The following CHRDL1 variants were observed in gnomAD, a reference collection of about 807,000 sequenced individuals.
The protein encoded by CHRDL1 is chordin like 1.
In CHRDL1, 19 loss-of-function variants were observed where a neutral mutation model predicts 40.9. That is an observed-to-expected ratio of 0.46 (90% CI 0.32 to 0.68). The LOEUF (loss-of-function observed/expected upper bound fraction) is 0.68, where lower values mean the gene tolerates loss of function less well. CHRDL1 is among the 30% of genes least tolerant of loss of function. CHRDL1 has a pLI of 0.03. For missense variants in CHRDL1, 329 were observed against 352.1 expected, an observed-to-expected ratio of 0.93 and a Z score of 0.53; for synonymous variants, 136 against 123.4, an observed-to-expected ratio of 1.10 and a Z score of -0.68.
chrX:110,734,122 G>C (rs1381831922), intron 4 of CHRDL1, among the ~76,000 whole-genome samples: 2 of 111,079 alleles, frequency 1.8e-5, no homozygotes, highest in Non-Finnish European at 3.8e-5. Context: ...ATTTTCAAAA[G>C]TGATTCAGAA....
At chrX:110,713,285 G>A (rs1296491755) in intron 6 of CHRDL1, among the ~76,000 whole-genome samples, 2 of 112,002 alleles carry the variant, frequency 1.8e-5, no homozygotes, top group Non-Finnish European at 3.8e-5. Context: ...ATGAAGGCAG[G>A]TTCCATGTCC....
intron 2 of CHRDL1, among the ~76,000 whole-genome samples, chrX:110,786,716 T>A (rs1297795523): frequency 8.9e-6 from 1 of 112,389 alleles, no homozygotes; most frequent in Non-Finnish European, 1.9e-5. Context: ...ATAAGAAGCA[T>A]AGACATAGAC....
chrX:110,718,149 G>C (rs1043076698), intron 6 of CHRDL1, among the ~76,000 whole-genome samples: 1 of 111,826 alleles, frequency 8.9e-6, no homozygotes, highest in South Asian at 3.7e-4. Context: ...GGTTGAATAA[G>C]GTCATTCAAC....
Position 110,696,709 on chromosome X carries a change from G to A in CHRDL1, c.610-2378C>T, listed in dbSNP as rs765988203. ...CTTTGGCTATACACTAAAATCACCC[G>A]GTGAGCTGTAAAAAATACTCATACC... On this transcript the variant is annotated intron_variant, in intron 7 of 11. Transcript: ENST00000372042. Among the ~76,000 whole-genome samples, 5 of 111,177 alleles carry A rather than the reference G, an allele frequency of 4.5e-5. No individual in the cohort carries two copies. In the East Asian group the frequency reaches 1.1e-3, roughly 25 times the overall value.
intron 6 of CHRDL1, among the ~76,000 whole-genome samples, chrX:110,716,979 G>A (rs2070854249): frequency 9.0e-6 from 1 of 111,436 alleles, no homozygotes; most frequent in South Asian, 3.8e-4. Flanking sequence ...AACCAATCAG[G>A]AACTGAAATT....
intron 9 of CHRDL1, among the ~76,000 whole-genome samples, chrX:110,686,769 C>CG (rs1463741753): frequency 9.3e-6 from 1 of 108,035 alleles, no homozygotes; most frequent in Non-Finnish European, 1.9e-5. Flanking sequence ...CCCAGCTACT[C>CG]GGGAGGCTGA....
intron 4 of CHRDL1, among the ~76,000 whole-genome samples, chrX:110,739,335 A>G (rs965408047): frequency 8.9e-6 from 1 of 112,083 alleles, no homozygotes; most frequent in Admixed American, 9.4e-5. Context: ...GCACCCAGCT[A>G]CACTACATTC....
intron 8 of CHRDL1, among the ~76,000 whole-genome samples, chrX:110,690,053 A>T (rs181754011): frequency 0.043 from 1,602 of 36,870 alleles, 494 homozygotes; most frequent in African/African-American, 0.2. Flanking sequence ...ATATATATAT[A>T]TTTTTTTTTT....
chrX:110,730,609 G>A (rs1208089223), intron 4 of CHRDL1, among the ~76,000 whole-genome samples: 1 of 110,587 alleles, frequency 9.0e-6, no homozygotes. Context: ...TAGAGTTGGG[G>A]TCTCACTCTG....
rs2069772483 is a variant in CHRDL1, at chrX:110,676,155, T to G, written c.*76A>C. ...TTTGGAGTTTTAGGGCACTGTTGAC[T>G]TAAGCAAAATAAGCCTGCAGTCCAG... On this transcript the variant is annotated 3_prime_UTR_variant, in exon 12 of 12. Transcript: ENST00000372042. The G allele has an allele frequency of 1.9e-5, 20 of 1,066,517 alleles. No homozygotes were observed. Among genetic ancestry groups the G allele is most frequent in the Non-Finnish European group, 2.5e-5 (20 of 788,360 alleles). The allele number at this position is 1,066,517 out of a possible 1,213,427, so 87.9% of individuals were successfully genotyped here. A position where few individuals can be genotyped will look rare whatever the true frequency, so the allele number is the denominator to read the frequency against.
rs544555631 is a variant in CHRDL1 at position 110,751,229 on chromosome X, T to C, written c.301+8432A>G. 1.8e-4 allele frequency among the ~76,000 whole-genome samples: 20 copies of C among 111,730 alleles called. No individual in the cohort carries two copies. The South Asian group carries it at 7.2e-3, about 40-fold the overall frequency. The stretch of plus-strand genomic sequence containing the variant: ...AAATTTGAGTAGTACTAGTTTAGGG[T>C]CTTGTGCTAAAATTGCCTACTACCC... On this transcript the variant is annotated intron_variant, in intron 4 of 11. Transcript: ENST00000372042.
In CHRDL1 at chrX:110,688,576, G is replaced by A. The variant is rs748432351; in HGVS notation, c.988+18C>T. The A allele has an allele frequency of 1.2e-5, 14 of 1,162,491 alleles. No homozygotes were observed. Among genetic ancestry groups the A allele is most frequent in the Non-Finnish European group, 1.6e-5 (14 of 851,598 alleles). ...GAGAATCTCAGTCAACCAAAAGCAG[G>A]GCCTCCAACCAACGCACCTTTTGCT... On this transcript the variant is annotated intron_variant, in intron 9 of 11. Coordinates refer to ENST00000372042, the MANE Select transcript of CHRDL1 (RefSeq NM_001143981.2).
intron 8 of CHRDL1, among the ~76,000 whole-genome samples, chrX:110,693,407 A>G (rs1038748523): frequency 1.8e-5 from 2 of 111,603 alleles, no homozygotes; most frequent in African/African-American, 6.5e-5. Context: ...GATGGAGTGT[A>G]ATGGCACAAT....
intron 4 of CHRDL1, among the ~76,000 whole-genome samples, chrX:110,721,735 A>G (rs1229436736): frequency 8.9e-6 from 1 of 111,754 alleles, no homozygotes; most frequent in Non-Finnish European, 1.9e-5. Flanking sequence ...CCATCCATCC[A>G]TCCGTCCATC....
chrX:110,783,006 A>G (rs757684715), intron 2 of CHRDL1, among the ~76,000 whole-genome samples: 2 of 112,724 alleles, frequency 1.8e-5, no homozygotes, highest in Admixed American at 9.4e-5. Flanking sequence ...TCCTGGAAGG[A>G]GCAAATTTAG....
intron 4 of CHRDL1, among the ~76,000 whole-genome samples, chrX:110,752,566 A>C (rs1049070896): frequency 6.3e-5 from 7 of 111,162 alleles, no homozygotes; most frequent in Non-Finnish European, 1.3e-4. Context: ...CTAAAATAGT[A>C]ATAATAATAA....
At chrX:110,676,466 C>A in intron 11 of CHRDL1, 105 bp from the exon 12 acceptor site, 2 of 722,064 alleles carry the variant, frequency 2.8e-6, no homozygotes, top group Non-Finnish European at 3.9e-6. Context: ...TACTCATGGA[C>A]CTACCAGGGA....
At chrX:110,689,446 A>ATC (rs1173847010) in intron 8 of CHRDL1, among the ~76,000 whole-genome samples, 2 of 58,186 alleles carry the variant, frequency 3.4e-5, no homozygotes, top group African/African-American at 4.0e-4. Context: ...ATATCTATAT[A>ATC]TATCTATATA....
At position 110,674,631 on chromosome X, in the gene CHRDL1, A is replaced by G. The variant is rs961367637; in HGVS notation, c.*1600T>C. On this transcript the variant is annotated 3_prime_UTR_variant, in exon 12 of 12. Transcript: ENST00000372042. ...GCCATAAGGCCCTTGTGTCTCTTTCATAAGAATTGACTCCTTTATGCCAGG... is the reference window on the plus strand; with the variant it reads ...GCCATAAGGCCCTTGTGTCTCTTTCGTAAGAATTGACTCCTTTATGCCAGG... The G allele has an allele frequency of 8.9e-6, 1 of 112,374 alleles. No homozygotes were observed. Among genetic ancestry groups the G allele is most frequent in the Admixed American group, 9.4e-5 (1 of 10,640 alleles). The allele number at this position is 112,374 out of a possible 1,213,427, so 9.3% of individuals were successfully genotyped here. A position where few individuals can be genotyped will look rare whatever the true frequency, so the allele number is the denominator to read the frequency against.
Sources: allele counts gnomAD v4.1 joint callset (sites outside exome capture counted in the v4.1 genomes callset), GRCh38; gene constraint gnomAD v4.1.1; transcripts MANE v1.5; gene names NCBI Gene and HGNC (gene_info 2026-07-23, HGNC 2026-07-21).